The following RBMS1 variants were observed in gnomAD, a reference collection of about 807,000 sequenced individuals.
RBMS1 encodes RNA-binding motif, single-stranded-interacting protein 1.
Under a neutral mutation model 62.3 loss-of-function variants are expected in RBMS1, and 17 were observed. The ratio of observed to expected loss-of-function variants is 0.27; its 90% confidence interval spans 0.19 to 0.41. The LOEUF (loss-of-function observed/expected upper bound fraction) is 0.41. RBMS1 is among the 10% of genes least tolerant of loss of function. The pLI is 1.00. For missense variants in RBMS1, 334 were observed against 504.5 expected (o/e 0.66, Z 3.24); for synonymous variants, 172 against 170.0 (o/e 1.01, Z -0.09).
intron 11 of RBMS1, 30 bp downstream of exon 11, chr2:160,278,518 A>C (rs1448259626): frequency 6.4e-7 from 1 of 1,552,702 alleles, no homozygotes; most frequent in Non-Finnish European, 8.9e-7. Flanking sequence ...CTCTGTTTAC[A>C]GAGACACATG....
At chr2:160,281,466 A>C (rs1332431997) in intron 9 of RBMS1, 102 bp from the exon 10 acceptor site, 54 of 960,684 alleles carry the variant, frequency 5.6e-5, no homozygotes, top group Non-Finnish European at 7.2e-5. Flanking sequence ...ACAGAAAGAA[A>C]ACAAGGAAAC....
rs367600184 is a variant in RBMS1 at position 160,483,079 on chromosome 2, TAA to T, written c.75+10208_75+10209del. On this transcript the variant is annotated intron_variant, in intron 1 of 13. Transcript: ENST00000348849. ...TTGTAGGTTAAAAAATAATCTCTCT[TAA>T]AAAAAAAAAAAAGCAAACAAAATCA... 5.1e-3 allele frequency among the ~76,000 whole-genome samples: 719 copies of T among 141,012 alleles called. 3 individuals are homozygous for T. The highest frequency in any genetic ancestry group is 0.016 in the African/African-American group (627 of 38,888). 92.5% of individuals were successfully genotyped at this position (141,012 alleles called of 152,430 possible). A position where few individuals can be genotyped will look rare whatever the true frequency, so the allele number is the denominator to read the frequency against.
chr2:160,365,291 C>G (rs2106022396), intron 2 of RBMS1, among the ~76,000 whole-genome samples: 1 of 152,292 alleles, frequency 6.6e-6, no homozygotes, highest in African/African-American at 2.4e-5. Flanking sequence ...ATCAAGAAGA[C>G]TATTATCAGA....
chr2:160,471,914 A>G (rs1159749274), intron 1 of RBMS1, among the ~76,000 whole-genome samples: 1 of 151,744 alleles, frequency 6.6e-6, no homozygotes, highest in Non-Finnish European at 1.5e-5. Flanking sequence ...AACTGTTTTG[A>G]TATTTTGAGG....
intron 4 of RBMS1, among the ~76,000 whole-genome samples, chr2:160,309,840 T>C (rs1275171141): frequency 2.0e-5 from 3 of 152,064 alleles, no homozygotes; most frequent in African/African-American, 7.2e-5. Flanking sequence ...AACACAAGCT[T>C]TGGAAATAGG....
rs1559299128 is a variant in RBMS1 at position 160,274,519 on chromosome 2, G to GTTTTT, written c.*248_*252dup. ...CATTTGATAAAAATCTTTTGTTTTTGTTTTTTGTTTTTTTTTTTTTACTAA... is the reference window on the plus strand; with the variant it reads ...CATTTGATAAAAATCTTTTGTTTTTGTTTTTTTTTTTGTTTTTTTTTTTTTACTAA... On this transcript the variant is annotated 3_prime_UTR_variant, in exon 14 of 14. Transcript: ENST00000348849. 3 of 96,366 alleles carry GTTTTT rather than the reference G, an allele frequency of 3.1e-5. No homozygotes were observed. The highest frequency in any genetic ancestry group is 1.0e-4 in the Admixed American group (1 of 9,892). The allele number at this position is 96,366 out of a possible 1,614,324, so 6.0% of individuals were successfully genotyped here. A position where few individuals can be genotyped will look rare whatever the true frequency, so the allele number is the denominator to read the frequency against.
At chr2:160,302,139 G>C (rs561699205) in intron 5 of RBMS1, among the ~76,000 whole-genome samples, 1 of 150,828 alleles carries the variant, frequency 6.6e-6, no homozygotes, top group South Asian at 2.1e-4. Flanking sequence ...TTTTTCTGGG[G>C]AGAAAAAGAT....
chr2:160,442,337 T>A (rs1300142998), intron 1 of RBMS1, among the ~76,000 whole-genome samples: 5 of 116,352 alleles, frequency 4.3e-5, no homozygotes, highest in Non-Finnish European at 9.9e-5. Flanking sequence ...GAAATAGGTA[T>A]AAAATTTCAT....
intron 2 of RBMS1, among the ~76,000 whole-genome samples, chr2:160,327,999 A>T (rs1259977076): frequency 6.6e-6 from 1 of 152,196 alleles, no homozygotes; most frequent in Non-Finnish European, 1.5e-5. Context: ...TTGTGTTTAT[A>T]TACTACTTAA....
chr2:160,301,058 T>C (rs796254106), intron 5 of RBMS1, among the ~76,000 whole-genome samples: 12 of 152,364 alleles, frequency 7.9e-5, no homozygotes, highest in African/African-American at 2.9e-4. Context: ...TTAGCCATAA[T>C]AGTGAATTGC....
chr2:160,356,085 C>A (rs1692783428), intron 2 of RBMS1, among the ~76,000 whole-genome samples: 1 of 152,076 alleles, frequency 6.6e-6, no homozygotes, highest in Admixed American at 6.6e-5. Flanking sequence ...AAGACAGTGA[C>A]CCCTAAAAAA....
intron 1 of RBMS1, among the ~76,000 whole-genome samples, chr2:160,445,296 C>T (rs1040112245): frequency 2.0e-5 from 3 of 152,130 alleles, no homozygotes; most frequent in African/African-American, 7.2e-5. Flanking sequence ...ATAAAAGCTT[C>T]TGATCAATAT....
chr2:160,296,395 G>T (rs1467762239), intron 6 of RBMS1, among the ~76,000 whole-genome samples: 1 of 152,186 alleles, frequency 6.6e-6, no homozygotes, highest in Non-Finnish European at 1.5e-5. Context: ...AAGATCAGGT[G>T]TAGCCTGTGG....
chr2:160,384,593 C>CTA (rs1217518394), intron 1 of RBMS1, among the ~76,000 whole-genome samples: 5 of 152,208 alleles, frequency 3.3e-5, no homozygotes, highest in African/African-American at 1.2e-4. Context: ...CCACCATGGT[C>CTA]ACTCACTAAC....
chr2:160,349,958 G>C (rs148420911), intron 2 of RBMS1, among the ~76,000 whole-genome samples: 1 of 151,988 alleles, frequency 6.6e-6, no homozygotes, highest in African/African-American at 2.4e-5. Context: ...GGATATGAAG[G>C]AACAAGTCAG....
chr2:160,293,364 C>G (rs1406214333), intron 6 of RBMS1, among the ~76,000 whole-genome samples: 2 of 152,140 alleles, frequency 1.3e-5, no homozygotes, highest in Admixed American at 6.5e-5. Context: ...CCCCACTGGA[C>G]ACATAACCAA....
chr2:160,402,559 T>G (rs750814199), intron 1 of RBMS1, among the ~76,000 whole-genome samples: 2 of 152,230 alleles, frequency 1.3e-5, no homozygotes, highest in African/African-American at 2.4e-5. Context: ...GTGTCTAGTA[T>G]GTCATCTGTG....
rs1295306148 is a variant in RBMS1 at position 160,272,893 on chromosome 2, G to C, written c.*1879C>G. 1 of 152,104 alleles carries C rather than the reference G, an allele frequency of 6.6e-6. No individual in the cohort carries two copies. The highest frequency in any genetic ancestry group is 1.5e-5 in the Non-Finnish European group (1 of 68,022). 9.4% of individuals were successfully genotyped at this position (152,104 alleles called of 1,614,324 possible). ...CATCAAATACAAGCATAAAATTTAA[G>C]AACTAAAAAATACTTGAAAGAAATA... On this transcript the variant is annotated 3_prime_UTR_variant, in exon 14 of 14. Coordinates refer to ENST00000348849, the MANE Select transcript of RBMS1 (RefSeq NM_016836.4).
chr2:160,343,847 A>G (rs1183023414), intron 2 of RBMS1, among the ~76,000 whole-genome samples: 1 of 152,152 alleles, frequency 6.6e-6, no homozygotes, highest in Non-Finnish European at 1.5e-5. Flanking sequence ...TGCATAATAT[A>G]TTTTTCAAAG....
Sources: gnomAD v4.1 joint callset for allele counts (sites outside exome capture counted in the v4.1 genomes callset) on GRCh38, gnomAD v4.1.1 for gene constraint, MANE v1.5 for transcripts, NCBI Gene and HGNC (gene_info 2026-07-23, HGNC 2026-07-21) for gene names.